Variants in ERC2 observed in about 807,000 individuals in gnomAD.
ERC2 encodes ELKS/RAB6-interacting/CAST family member 2, also known as ERC protein 2.
A neutral mutation model predicts 114.8 loss-of-function variants in ERC2; 42 were observed. The observed-to-expected ratio is 0.37, with a 90% CI of 0.29 to 0.47. The LOEUF is 0.47. Ranked by LOEUF, ERC2 falls within the 20% of genes least tolerant of loss-of-function variation. The probability of loss-of-function intolerance (pLI) is 0.99; values close to 1 mark genes in which losing one functional copy is unlikely to be tolerated. For synonymous variants in ERC2, 454 were observed against 425.5 expected, an observed-to-expected ratio of 1.07 and a Z score of -0.82; for missense variants, 939 against 1,150.7, an observed-to-expected ratio of 0.82 and a Z score of 2.66.
intron 2 of ERC2, among the ~76,000 whole-genome samples, chr3:56,353,152 A>G (rs1234129864): frequency 3.9e-5 from 6 of 152,016 alleles, no homozygotes; most frequent in African/African-American, 1.5e-4. Flanking sequence ...TTAGTCTCCA[A>G]AAGTTAGAAA....
Position 55,929,838 on chromosome 3 carries a change from G to A in ERC2, c.2403+20587C>T, listed in dbSNP as rs141409095. 2.6e-4 allele frequency among the ~76,000 whole-genome samples: 40 copies of A among 152,236 alleles called. 1 individual carries two copies. The highest frequency in any genetic ancestry group is 7.9e-4 in the Admixed American group (12 of 15,284). ...CAGCCATATAAGAAGACATGCCTGC[G>A]TTCCCTTCCCCTTCTGCCATGATTG... On this transcript the variant is annotated intron_variant, in intron 13 of 17. Coordinates refer to ENST00000288221, the MANE Select transcript of ERC2 (RefSeq NM_015576.3).
At chr3:56,011,792 T>C (rs900270304) in intron 8 of ERC2, among the ~76,000 whole-genome samples, 2 of 152,196 alleles carry the variant, frequency 1.3e-5, no homozygotes, top group Non-Finnish European at 2.9e-5. Context: ...ATCTTTTATA[T>C]TCTTATAATT....
chr3:55,535,755 A>G (rs1253190070), intron 17 of ERC2, among the ~76,000 whole-genome samples: 1 of 152,206 alleles, frequency 6.6e-6, no homozygotes, highest in African/African-American at 2.4e-5. Flanking sequence ...GCACTTTGGG[A>G]GGCCAAGGTG....
intron 17 of ERC2, among the ~76,000 whole-genome samples, chr3:55,581,089 C>T (rs192335328): frequency 6.6e-6 from 1 of 152,240 alleles, no homozygotes; most frequent in East Asian, 1.9e-4. Context: ...CAAATGTGCT[C>T]CTCTAACTAG....
rs772412464 is a variant in ERC2 at position 56,126,807 on chromosome 3, GAAGGAAAGGA to G, written c.1473+12692_1473+12701del. ...AGAAAAGAAAGAAGGAAAGGAAAGGGAAGGAAAGGAAAGGAAAGGAAAGGAAAGGAAAGGA... is the reference window on the plus strand; with the variant it reads ...AGAAAAGAAAGAAGGAAAGGAAAGGGAAGGAAAGGAAAGGAAAGGAAAGGA... On this transcript the variant is annotated intron_variant, in intron 6 of 17. Coordinates refer to ENST00000288221, the MANE Select transcript of ERC2 (RefSeq NM_015576.3). 1.2e-3 allele frequency among the ~76,000 whole-genome samples: 133 copies of G among 107,482 alleles called. 1 individual carries two copies. The highest frequency in any genetic ancestry group is 4.4e-3 in the Middle Eastern group (1 of 228). The allele number at this position is 107,482 out of a possible 152,430, so 70.5% of individuals were successfully genotyped here.
chr3:56,039,978 C>T (rs975795957), intron 7 of ERC2, among the ~76,000 whole-genome samples: 1 of 152,118 alleles, frequency 6.6e-6, no homozygotes, highest in Non-Finnish European at 1.5e-5. Flanking sequence ...TCTCACACTA[C>T]ATGTAAAAAC....
chr3:56,339,553 A>G lies in ERC2; in HGVS notation c.658-43118T>C, dbSNP rs541608562. 1.5e-3 allele frequency among the ~76,000 whole-genome samples: 225 copies of G among 152,254 alleles called. 5 individuals carry two copies. Among genetic ancestry groups the G allele is most frequent in the Non-Finnish European group, 1.9e-4 (13 of 68,006 alleles). ...TCACATAGGCAAAGGGAGCCTTTGA[A>G]AAGCTTTAATCAAGAGAAAGATTTA... On this transcript the variant is annotated intron_variant, in intron 2 of 17. Coordinates refer to ENST00000288221, the MANE Select transcript of ERC2 (RefSeq NM_015576.3).
intron 3 of ERC2, among the ~76,000 whole-genome samples, chr3:56,232,175 C>T (rs909446687): frequency 1.4e-5 from 2 of 144,886 alleles, no homozygotes; most frequent in African/African-American, 5.1e-5. Flanking sequence ...GTCTCTGTTT[C>T]CCAGGCTAGT....
intron 17 of ERC2, among the ~76,000 whole-genome samples, chr3:55,675,551 G>A (rs2061746732): frequency 6.6e-6 from 1 of 152,152 alleles, no homozygotes; most frequent in South Asian, 2.1e-4. Flanking sequence ...TTCCCCTTTG[G>A]TTGGGGCTGT....
At chr3:56,117,763 C>G (rs937474660) in intron 6 of ERC2, among the ~76,000 whole-genome samples, 3 of 152,162 alleles carry the variant, frequency 2.0e-5, no homozygotes, top group Non-Finnish European at 4.4e-5. Context: ...TCGATGAGCA[C>G]CTGCTCTGTA....
intron 3 of ERC2, among the ~76,000 whole-genome samples, chr3:56,248,444 T>A: frequency 6.6e-6 from 1 of 152,160 alleles, no homozygotes; most frequent in Non-Finnish European, 1.5e-5. Context: ...CAAAATGTAT[T>A]GATATGCTGC....
chr3:56,175,326 C>T (rs1230689777), intron 3 of ERC2, among the ~76,000 whole-genome samples: 2 of 152,230 alleles, frequency 1.3e-5, no homozygotes, highest in African/African-American at 2.4e-5. Context: ...TCAAAATGCT[C>T]TCACATCAGT....
At chr3:55,649,142 T>G (rs1322714487) in intron 17 of ERC2, among the ~76,000 whole-genome samples, 1 of 152,120 alleles carries the variant, frequency 6.6e-6, no homozygotes. Context: ...GTGACAGGCA[T>G]AAGACTTCAC....
chr3:55,595,025 C>T (rs1258411582), intron 17 of ERC2, among the ~76,000 whole-genome samples: 1 of 152,118 alleles, frequency 6.6e-6, no homozygotes, highest in Non-Finnish European at 1.5e-5. Context: ...CTACTAAGAA[C>T]CAGGTTCTGT....
intron 4 of ERC2, among the ~76,000 whole-genome samples, chr3:56,151,986 A>G (rs969900315): frequency 6.6e-6 from 1 of 152,202 alleles, no homozygotes; most frequent in Non-Finnish European, 1.5e-5. Flanking sequence ...TTAAAACAAT[A>G]TATGTAGTGA....
intron 13 of ERC2, among the ~76,000 whole-genome samples, chr3:55,891,121 G>C (rs1341673488): frequency 6.6e-6 from 1 of 152,196 alleles, no homozygotes; most frequent in Non-Finnish European, 1.5e-5. Flanking sequence ...CAGGCACATG[G>C]TAGGACCCCA....
intron 17 of ERC2, among the ~76,000 whole-genome samples, chr3:55,649,909 T>A (rs1304912800): frequency 6.6e-6 from 1 of 152,144 alleles, no homozygotes; most frequent in African/African-American, 2.4e-5. Context: ...GATTTTTAAA[T>A]CCACGTCGCT....
chr3:55,635,030 T>C (rs535217575), intron 17 of ERC2, among the ~76,000 whole-genome samples: 6 of 152,028 alleles, frequency 3.9e-5, no homozygotes, highest in African/African-American at 1.4e-4. Flanking sequence ...TACAGGTGCA[T>C]GCCACCACAC....
At chr3:56,108,544 A>G (rs996972863) in intron 6 of ERC2, among the ~76,000 whole-genome samples, 10 of 152,148 alleles carry the variant, frequency 6.6e-5, no homozygotes, top group African/African-American at 2.4e-4. Flanking sequence ...TGACATTACA[A>G]AAGATAAATC....
Sources: gnomAD v4.1 joint callset for allele counts (sites outside exome capture counted in the v4.1 genomes callset) on GRCh38, gnomAD v4.1.1 for gene constraint, MANE v1.5 for transcripts, NCBI Gene and HGNC (gene_info 2026-07-23, HGNC 2026-07-21) for gene names.